The following RC3H1 variants were observed in gnomAD, a reference collection of about 807,000 sequenced individuals.
RC3H1 encodes the protein roquin-1.
A neutral mutation model predicts 138.2 loss-of-function variants in RC3H1; 50 were observed. The ratio of observed to expected loss-of-function variants is 0.36; its 90% CI spans 0.29 to 0.46. The LOEUF is 0.46. RC3H1 is among the 20% of genes least tolerant of loss of function. The probability of loss-of-function intolerance (pLI) is 1.00; values close to 1 mark genes in which losing one functional copy is unlikely to be tolerated. For missense variants in RC3H1, 1,031 were observed against 1,388.1 expected, an observed-to-expected ratio of 0.74 and a Z score of 4.09; for synonymous variants, 462 against 489.1, an observed-to-expected ratio of 0.94 and a Z score of 0.73.
Position 173,935,376 on chromosome 1 carries a change from T to C in RC3H1, c.*3345A>G, listed in dbSNP as rs1658541574. 1 of 152,160 alleles carries C rather than the reference T, an allele frequency of 6.6e-6. No individual in the cohort carries two copies. The highest frequency in any genetic ancestry group is 1.5e-5 in the Non-Finnish European group (1 of 68,022). The allele number at this position is 152,160 out of a possible 1,614,324, so 9.4% of individuals were successfully genotyped here. A position where few individuals can be genotyped will look rare whatever the true frequency, so the allele number is the denominator to read the frequency against. On this transcript the variant is annotated 3_prime_UTR_variant, in exon 20 of 20. Transcript: ENST00000367696. Reference sequence around the variant, plus strand: ...TTATATTTCTCGCTATAAATAAAATTCCCTCACCTATGTATGAGTGAACAC... The same window carrying C: ...TTATATTTCTCGCTATAAATAAAATCCCCTCACCTATGTATGAGTGAACAC...
chr1:173,973,157 C>T (rs1426147176), intron 7 of RC3H1, among the ~76,000 whole-genome samples: 5 of 152,148 alleles, frequency 3.3e-5, no homozygotes, highest in African/African-American at 1.2e-4. Flanking sequence ...GTGGATTAAA[C>T]AAAACTGAGG....
At chr1:173,986,565 T>TC (rs1419638834) in intron 2 of RC3H1, among the ~76,000 whole-genome samples, 11 of 151,368 alleles carry the variant, frequency 7.3e-5, no homozygotes, top group Non-Finnish European at 1.6e-4. Context: ...CTCTCCCTCT[T>TC]TTTTTTTTCA....
chr1:173,967,732 C>G (rs1660182839), intron 9 of RC3H1, among the ~76,000 whole-genome samples: 1 of 152,126 alleles, frequency 6.6e-6, no homozygotes, highest in East Asian at 1.9e-4. Flanking sequence ...GTGTCATTTC[C>G]TCACCAAGCT....
At chr1:173,980,673 G>GGTT in intron 6 of RC3H1, 136 bp downstream of exon 6, 1 of 480,772 alleles carries the variant, frequency 2.1e-6, no homozygotes, top group Non-Finnish European at 3.6e-6. Context: ...ATTATAACGT[G>GGTT]ATTGGTTATG....
At position 173,948,780 on chromosome 1, in the gene RC3H1, C is replaced by T. The variant is rs1002046595; in HGVS notation, c.2524-1198G>A. On this transcript the variant is annotated intron_variant, in intron 14 of 19. Coordinates refer to ENST00000367696, the MANE Select transcript of RC3H1 (RefSeq NM_172071.4). The stretch of plus-strand genomic sequence containing the variant: ...AAAAAAATTTTTGAAGAGATGGGGT[C>T]TTGCTATGTTGCCCAGGCTGGTCTT... Among the ~76,000 whole-genome samples, 5 of 151,976 alleles carry T rather than the reference C, an allele frequency of 3.3e-5. No homozygotes were observed. The East Asian group carries it at 9.7e-4, about 29-fold the overall frequency.
At chr1:173,975,665 G>A (rs1459947889) in intron 7 of RC3H1, among the ~76,000 whole-genome samples, 3 of 60,662 alleles carry the variant, frequency 4.9e-5, no homozygotes, top group African/African-American at 1.0e-3. Flanking sequence ...TTGGGAGGCC[G>A]AGGCGGGCGG....
At chr1:173,978,673 T>C (rs900690919) in intron 6 of RC3H1, 53 bp from the exon 7 acceptor site, 3 of 1,514,166 alleles carry the variant, frequency 2.0e-6, no homozygotes, top group Non-Finnish European at 2.7e-6. Context: ...CCTTTAAATA[T>C]AAAGATTATT....
At chr1:173,952,786 C>T (rs1408444195) in intron 13 of RC3H1, among the ~76,000 whole-genome samples, 2 of 152,142 alleles carry the variant, frequency 1.3e-5, no homozygotes, top group South Asian at 2.1e-4. Context: ...TGTATTTTCA[C>T]TAAAATTGCA....
At chr1:173,940,653 T>A (rs1423998512) in intron 19 of RC3H1, among the ~76,000 whole-genome samples, 2 of 151,898 alleles carry the variant, frequency 1.3e-5, no homozygotes, top group Non-Finnish European at 2.9e-5. Context: ...TTTCTTTTTT[T>A]TTACATTGAG....
At chr1:173,957,265 C>T (rs1446200974) in intron 13 of RC3H1, among the ~76,000 whole-genome samples, 1 of 151,850 alleles carries the variant, frequency 6.6e-6, no homozygotes, top group Non-Finnish European at 1.5e-5. Context: ...TACCAGATGC[C>T]TTATGTTTCA....
intron 8 of RC3H1, among the ~76,000 whole-genome samples, 193 bp downstream of exon 8, chr1:173,972,316 A>C (rs1660390673): frequency 6.6e-6 from 1 of 152,226 alleles, no homozygotes; most frequent in African/African-American, 2.4e-5. Context: ...CAATATTGTC[A>C]GATAAAGTTA....
intron 7 of RC3H1, among the ~76,000 whole-genome samples, chr1:173,974,265 G>A (rs1048263134): frequency 7.9e-6 from 1 of 126,586 alleles, no homozygotes; most frequent in Non-Finnish European, 1.6e-5. Context: ...GGTCAATAGA[G>A]GGAGACTGTC....
At chr1:173,954,875 T>C (rs1659564542) in intron 13 of RC3H1, among the ~76,000 whole-genome samples, 1 of 152,078 alleles carries the variant, frequency 6.6e-6, no homozygotes, top group African/African-American at 2.4e-5. Context: ...GTATCTAGGA[T>C]AGATTGACAA....
rs568875987 is a variant in RC3H1, at chr1:173,955,175, G to A, written c.2371-3037C>T. 1.7e-4 allele frequency among the ~76,000 whole-genome samples: 23 copies of A among 135,650 alleles called. No homozygotes were observed. In the East Asian group the frequency reaches 4.9e-3, roughly 29 times the overall value. 89.0% of individuals were successfully genotyped at this position (135,650 alleles called of 152,430 possible). A position where few individuals can be genotyped will look rare whatever the true frequency, so the allele number is the denominator to read the frequency against. On this transcript the variant is annotated intron_variant, in intron 13 of 19. Transcript: ENST00000367696. ...TGGGAGGCGGAGGTTGCAGTGAGCC[G>A]AGATCACGCCATTGCACTCCAGCCC...
intron 1 of RC3H1, among the ~76,000 whole-genome samples, chr1:173,995,225 A>G (rs937600258): frequency 1.3e-5 from 2 of 152,112 alleles, no homozygotes; most frequent in Admixed American, 6.5e-5. Flanking sequence ...ATAGATTCTG[A>G]GACTAGATAG....
At chr1:174,013,468 G>A (rs12060331) in intron 1 of RC3H1, among the ~76,000 whole-genome samples, 43,787 of 150,810 alleles carry the variant, frequency 0.29, 11,338 homozygotes, top group African/African-American at 0.7. Context: ...TTTGAGACAC[G>A]GTCTCACTCT....
intron 1 of RC3H1, chr1:174,009,159 G>A (rs951046587): frequency 3.9e-5 from 6 of 151,984 alleles, no homozygotes; most frequent in Admixed American, 1.3e-4. Flanking sequence ...CATGTTATAG[G>A]GAAGAGGAAA....
intron 13 of RC3H1, among the ~76,000 whole-genome samples, chr1:173,959,991 TCA>T (rs1659799418): frequency 6.8e-6 from 1 of 147,572 alleles, no homozygotes; most frequent in African/African-American, 2.5e-5. Context: ...GCCTGTAATC[TCA>T]GTTACTCAGG....
chr1:174,001,767 T>G (rs985508944), intron 1 of RC3H1, among the ~76,000 whole-genome samples: 1 of 152,146 alleles, frequency 6.6e-6, no homozygotes, highest in African/African-American at 2.4e-5. Flanking sequence ...AAAGGAAAAT[T>G]TACCGATTAA....
Sources: allele counts gnomAD v4.1 joint callset (sites outside exome capture counted in the v4.1 genomes callset), GRCh38; gene constraint gnomAD v4.1.1; transcripts MANE v1.5; gene names NCBI Gene and HGNC (gene_info 2026-07-23, HGNC 2026-07-21).